NRAS: variants seen among roughly 807,000 people sequenced by gnomAD.
NRAS encodes GTPase NRas.
Under a neutral mutation model 21.3 loss-of-function variants are expected in NRAS, and 6 were observed. The observed-to-expected ratio is 0.28, with a 90% CI of 0.15 to 0.56. NRAS has a LOEUF of 0.56. NRAS is among the 20% of genes least tolerant of loss of function. NRAS has a pLI of 0.93. For synonymous variants in NRAS, 84 were observed against 82.0 expected (o/e 1.02, Z -0.13); for missense variants, 143 against 231.3 (o/e 0.62, Z 2.48).
Position 114,706,962 on chromosome 1 carries a change from G to A in NRAS, c.*1132C>T, listed in dbSNP as rs1480244769. ...AGATACCATGATATACAGTGAAAAT[G>A]TAATTTGTTAATATACTATATTTGA... On this transcript the variant is annotated 3_prime_UTR_variant, in exon 7 of 7. Coordinates refer to ENST00000369535, the MANE Select transcript of NRAS (RefSeq NM_002524.5). 1.3e-5 allele frequency: 2 copies of A among 152,724 alleles called. No homozygotes were observed. The highest frequency in any genetic ancestry group is 3.4e-3 in the Middle Eastern group (1 of 294). 9.5% of individuals were successfully genotyped at this position (152,724 alleles called of 1,614,324 possible).
rs1658882890 is a variant in NRAS at position 114,705,227 on chromosome 1, A to G, written c.*2867T>C. 1 of 152,222 alleles carries G rather than the reference A, an allele frequency of 6.6e-6. No individual in the cohort carries two copies. The highest frequency in any genetic ancestry group is 2.4e-5 in the African/African-American group (1 of 41,444). 9.4% of individuals were successfully genotyped at this position (152,222 alleles called of 1,614,324 possible). Reference sequence around the variant, plus strand: ...TTTAAAGGATGGTGAAAGACTAAACATGGGCCCACTAAAATAGAGATTAAT... The same window carrying G: ...TTTAAAGGATGGTGAAAGACTAAACGTGGGCCCACTAAAATAGAGATTAAT... On this transcript the variant is annotated 3_prime_UTR_variant, in exon 7 of 7. Transcript: ENST00000369535.
At chr1:114,709,819 G>T in intron 3 of NRAS, 91 bp from the exon 4 acceptor site, 2 of 1,026,952 alleles carry the variant, frequency 1.9e-6, no homozygotes, top group Non-Finnish European at 3.1e-6. Flanking sequence ...ACTTTGGGAG[G>T]CTGAGGAGGG....
chr1:114,716,474 G>A (rs899439344), intron 1 of NRAS, among the ~76,000 whole-genome samples, 184 bp downstream of exon 1: 3 of 151,992 alleles, frequency 2.0e-5, no homozygotes, highest in Non-Finnish European at 4.4e-5. Context: ...GAAGCCTCCA[G>A]GCCGCAACTC....
Position 114,705,318 on chromosome 1 carries a change from T to C in NRAS, c.*2776A>G, listed in dbSNP as rs1658884844. 6.6e-6 allele frequency: 1 copy of C among 152,212 alleles called. No individual in the cohort carries two copies. The highest frequency in any genetic ancestry group is 2.4e-5 in the African/African-American group (1 of 41,458). The allele number at this position is 152,212 out of a possible 1,614,324, so 9.4% of individuals were successfully genotyped here. ...TGATATTGTATTAAGTAACATTCTA[T>C]AGTAAGCCGTTGGAGCAAATACAGC... On this transcript the variant is annotated 3_prime_UTR_variant, in exon 7 of 7. Coordinates refer to ENST00000369535, the MANE Select transcript of NRAS (RefSeq NM_002524.5).
chr1:114,708,419 A>G, intron 5 of NRAS, 112 bp downstream of exon 5: 1 of 968,658 alleles, frequency 1.0e-6, no homozygotes, highest in Non-Finnish European at 1.7e-6. Context: ...AATGTGCAGA[A>G]GAGGATAGGC....
At chr1:114,711,617 AAC>A (rs5777203) in intron 3 of NRAS, among the ~76,000 whole-genome samples, 90,298 of 137,664 alleles carry the variant, frequency 0.66, 29,943 homozygotes, top group East Asian at 0.96. Flanking sequence ...AAAAAAAAAA[AAC>A]AAACAAACAA....
chr1:114,714,004 A>AG, intron 2 of NRAS, 26 bp from the exon 3 acceptor site: 2 of 575,066 alleles, frequency 3.5e-6, no homozygotes, highest in Non-Finnish European at 6.5e-6. Flanking sequence ...GTAAGGGGGC[A>AG]GGGAGGGAGG....
chr1:114,716,372 C>G (rs934553152), intron 1 of NRAS, among the ~76,000 whole-genome samples, 195 bp from the exon 2 acceptor site: 2 of 152,184 alleles, frequency 1.3e-5, no homozygotes, highest in Non-Finnish European at 1.5e-5. Context: ...CCATCCTTAG[C>G]TATTTTTCAA....
chr1:114,716,722 C>G lies in NRAS; in HGVS notation c.-82G>C, dbSNP rs898326779. On this transcript the variant is annotated 5_prime_UTR_variant, in exon 1 of 7. Transcript: ENST00000369535. ...CACAGCCGGGAAAAATGTTGGAGAC[C>G]CCGGAACCGCCATGAACAGCCCCCA... 1 of 165,208 alleles carries G rather than the reference C, an allele frequency of 6.1e-6. No homozygotes were observed. The highest frequency in any genetic ancestry group is 1.3e-5 in the Non-Finnish European group (1 of 74,122). The allele number at this position is 165,208 out of a possible 1,614,324, so 10.2% of individuals were successfully genotyped here.
chr1:114,709,566 T>C lies in NRAS; in HGVS notation c.450+3A>G, dbSNP rs765687422. 5.0e-6 allele frequency: 8 copies of C among 1,613,152 alleles called. No homozygotes were observed. The South Asian group carries it at 6.6e-5, about 13-fold the overall frequency. On this transcript the variant is annotated splice_donor_region_variant and intron_variant, in intron 4 of 6. Coordinates refer to ENST00000369535, the MANE Select transcript of NRAS (RefSeq NM_002524.5). Reference sequence around the variant, plus strand: ...TGCACAAATGCTGAAAGCTGTACCATACCTGTCTGGTCTTGGCTGAGGTTT... The same window carrying C: ...TGCACAAATGCTGAAAGCTGTACCACACCTGTCTGGTCTTGGCTGAGGTTT...
chr1:114,713,476 T>C (rs1659087239), intron 3 of NRAS, among the ~76,000 whole-genome samples: 2 of 152,196 alleles, frequency 1.3e-5, no homozygotes, highest in African/African-American at 2.4e-5. Context: ...TCTTTTCCAT[T>C]ACATACTGAA....
intron 4 of NRAS, among the ~76,000 whole-genome samples, chr1:114,709,311 C>T (rs1186934413): frequency 6.6e-6 from 1 of 151,722 alleles, no homozygotes; most frequent in Non-Finnish European, 1.5e-5. Context: ...ATGATGTGCC[C>T]GTAGTCCCAG....
In NRAS at chr1:114,713,983, G is replaced by C. The variant is rs2101742213; in HGVS notation, c.112-5C>G. 1.3e-6 allele frequency: 2 copies of C among 1,585,314 alleles called. No homozygotes were observed. Among genetic ancestry groups the C allele is most frequent in the Non-Finnish European group, 1.7e-6 (2 of 1,156,950 alleles). On this transcript the variant is annotated splice_polypyrimidine_tract_variant and splice_region_variant and intron_variant, in intron 2 of 6. Coordinates refer to ENST00000369535, the MANE Select transcript of NRAS (RefSeq NM_002524.5). ...CACTTGTTTTCTGTAAGAATCCTGG[G>C]GGTGTGGAGGGTAAGGGGGCAGGGA...
intron 2 of NRAS, among the ~76,000 whole-genome samples, chr1:114,715,282 C>T (rs1659132416): frequency 1.3e-5 from 2 of 152,154 alleles, no homozygotes; most frequent in South Asian, 4.1e-4. Context: ...GCCTCAGCCT[C>T]CCAAAGTGCT....
At chr1:114,711,953 AAAT>A (rs1480707738) in intron 3 of NRAS, among the ~76,000 whole-genome samples, 1 of 152,222 alleles carries the variant, frequency 6.6e-6, no homozygotes, top group African/African-American at 2.4e-5. Flanking sequence ...AATTAACTGT[AAAT>A]AACCACATAC....
At chr1:114,708,112 A>G (rs796595407) in intron 6 of NRAS, 42 bp downstream of exon 6, 1 of 194,066 alleles carries the variant, frequency 5.2e-6, no homozygotes. Context: ...ACAAATATAC[A>G]AAATTAACAG....
At position 114,707,139 on chromosome 1, in the gene NRAS, G is replaced by A. The variant is rs1281503304; in HGVS notation, c.*955C>T. 6.6e-6 allele frequency: 1 copy of A among 152,524 alleles called. No individual in the cohort carries two copies. The highest frequency in any genetic ancestry group is 1.5e-5 in the Non-Finnish European group (1 of 68,016). 9.4% of individuals were successfully genotyped at this position (152,524 alleles called of 1,614,324 possible). A position where few individuals can be genotyped will look rare whatever the true frequency, so the allele number is the denominator to read the frequency against. On this transcript the variant is annotated 3_prime_UTR_variant, in exon 7 of 7. Transcript: ENST00000369535. The stretch of plus-strand genomic sequence containing the variant: ...TATTAGGTTTATCAGTAAGCTAGGG[G>A]AAACAAATTACATACATTGTATAGG...
In NRAS at chr1:114,705,652, TC is replaced by T. The variant is rs1646560592; in HGVS notation, c.*2441del. Reference sequence around the variant, plus strand: ...AACTTTTTTTTTGGAGACAAGTCTCTCTTGTCACCCAGGCTGGAGTGCAGTG... The same window carrying T: ...AACTTTTTTTTTGGAGACAAGTCTCTTTGTCACCCAGGCTGGAGTGCAGTG... On this transcript the variant is annotated 3_prime_UTR_variant, in exon 7 of 7. Transcript: ENST00000369535. The T allele has an allele frequency of 6.6e-6, 1 of 152,178 alleles. No individual in the cohort carries two copies. Among genetic ancestry groups the T allele is most frequent in the South Asian group, 2.1e-4 (1 of 4,826 alleles). 9.4% of individuals were successfully genotyped at this position (152,178 alleles called of 1,614,324 possible).
chr1:114,716,106 G>C lies in NRAS; in HGVS notation c.55C>G (p.Leu19Val), dbSNP rs1659158278. Reference protein sequence around the residue: ...VGAGGVGKSALTIQLIQNHFV... With the variant: ...VGAGGVGKSAVTIQLIQNHFV... ...TGGTTCTGGATTAGCTGGATTGTCA[G>C]TGCGCTTTTCCCAACACCACCTGCT... Residue 19 changes from leucine to valine, a missense_variant, in exon 2 of 7, where the codon CTG (leucine) becomes GTG (valine). By Grantham distance (32) the Leu-to-Val change is conservative. Transcript: ENST00000369535. 1 of 1,613,934 alleles carries C rather than the reference G, an allele frequency of 6.2e-7. No individual in the cohort carries two copies. The highest frequency in any genetic ancestry group is 1.3e-5 in the African/African-American group (1 of 74,902).
Sources: gnomAD v4.1 joint callset for allele counts (sites outside exome capture counted in the v4.1 genomes callset) on GRCh38, gnomAD v4.1.1 for gene constraint, MANE v1.5 for transcripts, NCBI Gene and HGNC (gene_info 2026-07-23, HGNC 2026-07-21) for gene names.